PPP1R1C: variants seen among roughly 807,000 people sequenced by gnomAD.
PPP1R1C encodes the protein protein phosphatase 1 regulatory subunit 1C.
Under a neutral mutation model 17.4 loss-of-function variants are expected in PPP1R1C, and 15 were observed. The observed-to-expected ratio is 0.86, with a 90% CI of 0.58 to 1.33. The LOEUF (loss-of-function observed/expected upper bound fraction) is 1.33, where lower values mean the gene tolerates loss of function less well. PPP1R1C is among the 40% of genes most tolerant of loss of function. PPP1R1C has a pLI of 0.00. For synonymous variants in PPP1R1C, 35 were observed against 43.1 expected (o/e 0.81, Z 0.73); for missense variants, 143 against 130.0 (o/e 1.10, Z -0.48).
rs186187931 is a variant in PPP1R1C at position 182,023,472 on chromosome 2, C to T, written c.142+35573C>T. Among the ~76,000 whole-genome samples, 194 of 151,664 alleles carry T rather than the reference C, an allele frequency of 1.3e-3. 1 individual carries two copies. The highest frequency in any genetic ancestry group is 3.2e-3 in the Admixed American group (48 of 15,212). ...CCAACATAAGGACAATTGGTGTCAC[C>T]CTTGGCAACTGCCCCACCTCCAACA... is the stretch of plus-strand genomic sequence containing the variant. On this transcript the variant is annotated intron_variant, in intron 2 of 4. Coordinates refer to ENST00000682840, the MANE Select transcript of PPP1R1C (RefSeq NM_001080545.3).
chr2:182,114,651 G>T (rs1202136068), intron 4 of PPP1R1C, among the ~76,000 whole-genome samples: 1 of 152,024 alleles, frequency 6.6e-6, no homozygotes, highest in Non-Finnish European at 1.5e-5. Flanking sequence ...AACTGCTTTG[G>T]GAATCAAAGA....
chr2:181,998,336 T>C (rs906016215), intron 2 of PPP1R1C, among the ~76,000 whole-genome samples: 7 of 152,226 alleles, frequency 4.6e-5, no homozygotes, highest in Non-Finnish European at 4.4e-5. Flanking sequence ...TTATATGATA[T>C]GTGATCGACT....
intron 2 of PPP1R1C, among the ~76,000 whole-genome samples, chr2:181,999,647 A>T (rs896543473): frequency 2.6e-5 from 4 of 152,058 alleles, no homozygotes; most frequent in African/African-American, 9.7e-5. Context: ...TATGTATTTC[A>T]TCTTTATTCC....
intron 4 of PPP1R1C, among the ~76,000 whole-genome samples, chr2:182,094,161 A>T (rs1688864221): frequency 6.6e-6 from 1 of 152,198 alleles, no homozygotes; most frequent in South Asian, 2.1e-4. Context: ...GGCAAGGAGG[A>T]GCAAGTCACA....
At chr2:181,999,670 T>C (rs193087738) in intron 2 of PPP1R1C, among the ~76,000 whole-genome samples, 4 of 152,160 alleles carry the variant, frequency 2.6e-5, no homozygotes, top group Admixed American at 2.6e-4. Context: ...AATGAGTTGG[T>C]TTTGAAGTGG....
chr2:182,078,548 G>T (rs1390660107), intron 4 of PPP1R1C, among the ~76,000 whole-genome samples: 1 of 152,154 alleles, frequency 6.6e-6, no homozygotes, highest in Non-Finnish European at 1.5e-5. Context: ...ATCTTCTTCA[G>T]ACTGACTAGT....
At chr2:182,061,885 T>C (rs1056629512) in intron 3 of PPP1R1C, among the ~76,000 whole-genome samples, 2 of 152,048 alleles carry the variant, frequency 1.3e-5, no homozygotes, top group Non-Finnish European at 2.9e-5. Context: ...GGCCAGAGTC[T>C]AGGGGGACTG....
chr2:181,970,230 A>G (rs1684982126), intron 1 of PPP1R1C, among the ~76,000 whole-genome samples: 2 of 150,690 alleles, frequency 1.3e-5, no homozygotes, highest in South Asian at 4.2e-4. Flanking sequence ...TTAGGTATTT[A>G]TTATAGTCTT....
At chr2:182,037,596 A>AG (rs1288855711) in intron 2 of PPP1R1C, among the ~76,000 whole-genome samples, 1 of 152,108 alleles carries the variant, frequency 6.6e-6, no homozygotes, top group Non-Finnish European at 1.5e-5. Context: ...AAAAAAAAAA[A>AG]AAATGTGTAA....
chr2:182,131,020 A>G (rs1207299768), downstream of PPP1R1C: 1 of 152,192 alleles, frequency 6.6e-6, no homozygotes, highest in Non-Finnish European at 1.5e-5. Flanking sequence ...TTTCAAAGTA[A>G]GTTTTTTGTC....
intron 2 of PPP1R1C, among the ~76,000 whole-genome samples, chr2:182,027,894 T>C (rs1686672540): frequency 8.0e-6 from 1 of 124,606 alleles, no homozygotes; most frequent in Non-Finnish European, 1.7e-5. Context: ...TCAGCTCCTG[T>C]TATTGGTTTA....
intron 4 of PPP1R1C, among the ~76,000 whole-genome samples, chr2:182,102,551 T>C (rs1159429400): frequency 1.3e-5 from 2 of 152,092 alleles, no homozygotes; most frequent in Non-Finnish European, 2.9e-5. Flanking sequence ...CACAATTACT[T>C]TGGGAAAAAA....
chr2:182,104,686 A>G (rs1203030089), intron 4 of PPP1R1C, among the ~76,000 whole-genome samples: 1 of 152,170 alleles, frequency 6.6e-6, no homozygotes, highest in Non-Finnish European at 1.5e-5. Flanking sequence ...AGGATTTTGC[A>G]TCTATGTTCA....
intron 4 of PPP1R1C, among the ~76,000 whole-genome samples, chr2:182,084,016 TG>T (rs1688555546): frequency 1.3e-5 from 2 of 152,198 alleles, no homozygotes; most frequent in African/African-American, 2.4e-5. Flanking sequence ...TGATTATTAG[TG>T]ATGTTGAACA....
intron 2 of PPP1R1C, among the ~76,000 whole-genome samples, chr2:182,030,627 A>C (rs1686793176): frequency 6.8e-6 from 1 of 147,174 alleles, no homozygotes; most frequent in Non-Finnish European, 1.5e-5. Flanking sequence ...GCTGTCAGAC[A>C]GGGACATTTA....
intron 1 of PPP1R1C, among the ~76,000 whole-genome samples, chr2:181,971,656 T>C (rs578117259): frequency 3.3e-5 from 5 of 152,290 alleles, no homozygotes; most frequent in Admixed American, 3.3e-4. Flanking sequence ...ATTGCAGTCC[T>C]TGAGGCATAG....
chr2:182,112,272 T>C (rs1361109799), intron 4 of PPP1R1C, among the ~76,000 whole-genome samples: 1 of 152,130 alleles, frequency 6.6e-6, no homozygotes, highest in African/African-American at 2.4e-5. Context: ...CAGAGTTCAG[T>C]CCAGGTTTGG....
chr2:182,031,531 T>G (rs1686838775), intron 2 of PPP1R1C, among the ~76,000 whole-genome samples: 1 of 152,250 alleles, frequency 6.6e-6, no homozygotes, highest in Non-Finnish European at 1.5e-5. Context: ...ATGTCATCAT[T>G]TCTTCAAACA....
At chr2:182,005,807 G>C (rs1331703111) in intron 2 of PPP1R1C, among the ~76,000 whole-genome samples, 2 of 152,098 alleles carry the variant, frequency 1.3e-5, no homozygotes, top group Non-Finnish European at 2.9e-5. Flanking sequence ...AAAAGACCTA[G>C]GTTTGAATGT....
Sources: gnomAD v4.1 joint callset for allele counts (sites outside exome capture counted in the v4.1 genomes callset) on GRCh38, gnomAD v4.1.1 for gene constraint, MANE v1.5 for transcripts, NCBI Gene and HGNC (gene_info 2026-07-23, HGNC 2026-07-21) for gene names.